Variants in ZMAT4 observed in about 807,000 individuals in gnomAD.
ZMAT4 encodes zinc finger matrin-type 4, also known as zinc finger matrin-type protein 4.
A neutral mutation model predicts 28.7 loss-of-function variants in ZMAT4; 17 were observed. That is an observed-to-expected ratio of 0.59 (90% CI 0.41 to 0.89). ZMAT4 has a LOEUF of 0.89. Ranked by LOEUF, ZMAT4 falls within the 40% of genes least tolerant of loss-of-function variation. ZMAT4 has a pLI of 0.00. For missense variants in ZMAT4, 240 were observed against 283.8 expected (o/e 0.85, Z 1.11); for synonymous variants, 117 against 109.2 (o/e 1.07, Z -0.44).
At chr8:40,556,163 C>T (rs1275891059) in intron 6 of ZMAT4, among the ~76,000 whole-genome samples, 1 of 152,040 alleles carries the variant, frequency 6.6e-6, no homozygotes, top group East Asian at 1.9e-4. Flanking sequence ...ACCCTATATC[C>T]TTTTTTCTAC....
At chr8:40,687,888 G>A (rs1016227986) in intron 4 of ZMAT4, among the ~76,000 whole-genome samples, 15 of 152,108 alleles carry the variant, frequency 9.9e-5, no homozygotes, top group Admixed American at 3.3e-4. Flanking sequence ...AAGAATTCAC[G>A]GGTAGGCCTT....
chr8:40,780,354 G>A (rs751595195), intron 2 of ZMAT4, among the ~76,000 whole-genome samples: 10 of 152,178 alleles, frequency 6.6e-5, no homozygotes, highest in Non-Finnish European at 1.3e-4. Flanking sequence ...ATTAAATACT[G>A]TACTGAAGTA....
At chr8:40,592,712 G>A (rs1804938542) in intron 5 of ZMAT4, among the ~76,000 whole-genome samples, 2 of 152,138 alleles carry the variant, frequency 1.3e-5, no homozygotes, top group African/African-American at 4.8e-5. Context: ...CTACAGTGAA[G>A]ATTCAGATGG....
chr8:40,754,861 T>A lies in ZMAT4; in HGVS notation c.192+12780A>T, dbSNP rs1281540919. ...GACCTTGTATCAACTAAAAAATTTT[T>A]AAAAATTTAAAAATTAGCTGGTTGC... On this transcript the variant is annotated intron_variant, in intron 3 of 6. Transcript: ENST00000297737. Among the ~76,000 whole-genome samples, 6 of 152,228 alleles carry A rather than the reference T, an allele frequency of 3.9e-5. No homozygotes were observed. The East Asian group carries it at 9.7e-4, about 25-fold the overall frequency.
At chr8:40,846,829 T>A (rs1183736534) in intron 1 of ZMAT4, among the ~76,000 whole-genome samples, 1 of 152,134 alleles carries the variant, frequency 6.6e-6, no homozygotes, top group African/African-American at 2.4e-5. Flanking sequence ...TAGGTCATCA[T>A]TTTATAGGGA....
chr8:40,645,566 T>C (rs966904972), intron 5 of ZMAT4, among the ~76,000 whole-genome samples: 1 of 152,146 alleles, frequency 6.6e-6, no homozygotes, highest in Non-Finnish European at 1.5e-5. Flanking sequence ...TGTCCAGCCA[T>C]ATTGTTGCCT....
intron 5 of ZMAT4, among the ~76,000 whole-genome samples, chr8:40,660,564 C>G (rs1808143043): frequency 1.3e-5 from 2 of 152,170 alleles, no homozygotes; most frequent in Admixed American, 6.5e-5. Flanking sequence ...AGCTCTTTCT[C>G]TAAGGTGACT....
Position 40,649,668 on chromosome 8 carries a change from C to G in ZMAT4, c.577+25036G>C, listed in dbSNP as rs372962145. Among the ~76,000 whole-genome samples the G allele has an allele frequency of 3.2e-3, 485 of 151,926 alleles. 2 individuals are homozygous for G. Among genetic ancestry groups the G allele is most frequent in the African/African-American group, 0.011 (455 of 41,400 alleles). On this transcript the variant is annotated intron_variant, in intron 5 of 6. Coordinates refer to ENST00000297737, the MANE Select transcript of ZMAT4 (RefSeq NM_024645.3). ...CACCTATTCCAAAATTGACCACATA[C>G]TTGGAAGTAAAGCTCTCCTCAGCAA... is the stretch of plus-strand genomic sequence containing the variant.
chr8:40,775,704 G>A (rs1161328639), intron 2 of ZMAT4, among the ~76,000 whole-genome samples: 1 of 152,080 alleles, frequency 6.6e-6, no homozygotes, highest in Non-Finnish European at 1.5e-5. Flanking sequence ...TGTGGCTGAA[G>A]GTGCCATGCC....
At chr8:40,826,513 G>A (rs1390609898) in intron 1 of ZMAT4, among the ~76,000 whole-genome samples, 44 of 152,028 alleles carry the variant, frequency 2.9e-4, no homozygotes, top group Admixed American at 2.9e-3. Context: ...TGTAGTCAAG[G>A]AAGAAGTTAG....
chr8:40,774,614 G>T (rs1041946160), intron 2 of ZMAT4, among the ~76,000 whole-genome samples: 3 of 151,600 alleles, frequency 2.0e-5, no homozygotes, highest in African/African-American at 7.3e-5. Context: ...GATAAATATT[G>T]TAATATATCC....
chr8:40,751,873 G>C (rs1812467289), intron 3 of ZMAT4, among the ~76,000 whole-genome samples: 1 of 152,132 alleles, frequency 6.6e-6, no homozygotes, highest in East Asian at 1.9e-4. Flanking sequence ...GCAGTATTAT[G>C]AAAATATGAA....
intron 2 of ZMAT4, among the ~76,000 whole-genome samples, chr8:40,769,255 T>G (rs1432600103): frequency 1.3e-5 from 2 of 151,810 alleles, no homozygotes; most frequent in South Asian, 2.1e-4. Context: ...TCATCTGGAG[T>G]TTTTTTTGTT....
chr8:40,546,300 C>CAAAAAAAA (rs991474050), intron 6 of ZMAT4, among the ~76,000 whole-genome samples: 1 of 66,794 alleles, frequency 1.5e-5, no homozygotes. Context: ...ATCACTTGAA[C>CAAAAAAAA]AAAAAAAAAA....
chr8:40,660,239 A>T (rs1337136664), intron 5 of ZMAT4, among the ~76,000 whole-genome samples: 1 of 152,158 alleles, frequency 6.6e-6, no homozygotes, highest in Non-Finnish European at 1.5e-5. Context: ...TAACATTTCT[A>T]TTGGCAGCAA....
At position 40,538,429 on chromosome 8, in the gene ZMAT4, T is replaced by A. The variant is rs114108447; in HGVS notation, c.675-6191A>T. ...TGATGTCTCTTGCCTCCCTAAAATGTGTATAAAACCAAGCTACACCCCGAC... is the reference window on the plus strand; with the variant it reads ...TGATGTCTCTTGCCTCCCTAAAATGAGTATAAAACCAAGCTACACCCCGAC... On this transcript the variant is annotated intron_variant, in intron 6 of 6. Coordinates refer to ENST00000297737, the MANE Select transcript of ZMAT4 (RefSeq NM_024645.3). Among the ~76,000 whole-genome samples, 947 of 152,316 alleles carry A rather than the reference T, an allele frequency of 6.2e-3. 19 individuals carry two copies. Among genetic ancestry groups the A allele is most frequent in the African/African-American group, 0.022 (910 of 41,576 alleles).
chr8:40,684,876 G>A (rs76285233), intron 4 of ZMAT4, among the ~76,000 whole-genome samples: 7 of 152,124 alleles, frequency 4.6e-5, no homozygotes, highest in Non-Finnish European at 8.8e-5. Context: ...GTCTATAACC[G>A]CTCTTCAGCT....
At chr8:40,807,863 A>T (rs1815157571) in intron 2 of ZMAT4, among the ~76,000 whole-genome samples, 1 of 152,216 alleles carries the variant, frequency 6.6e-6, no homozygotes, top group Non-Finnish European at 1.5e-5. Flanking sequence ...TTCCAAAGAC[A>T]TTTAGGTTCT....
intron 1 of ZMAT4, among the ~76,000 whole-genome samples, chr8:40,860,781 G>T (rs1817459218): frequency 6.6e-6 from 1 of 152,188 alleles, no homozygotes; most frequent in Non-Finnish European, 1.5e-5. Context: ...GCATGGCTCT[G>T]CCTGGTCGTC....
Sources: allele counts gnomAD v4.1 joint callset (sites outside exome capture counted in the v4.1 genomes callset), GRCh38; gene constraint gnomAD v4.1.1; transcripts MANE v1.5; gene names NCBI Gene and HGNC (gene_info 2026-07-23, HGNC 2026-07-21).